The following LONRF2 variants were observed in gnomAD, a reference collection of about 807,000 sequenced individuals.
LONRF2 encodes the protein LON peptidase N-terminal domain and RING finger protein 2.
Under a neutral mutation model 66.6 loss-of-function variants are expected in LONRF2, and 35 were observed. That is an observed-to-expected ratio of 0.53 (90% confidence interval 0.40 to 0.70). The LOEUF (loss-of-function observed/expected upper bound fraction) is 0.70, where lower values mean the gene tolerates loss of function less well. Ranked by LOEUF, LONRF2 falls within the 30% of genes least tolerant of loss-of-function variation. The pLI, the probability that LONRF2 is intolerant of heterozygous loss-of-function variation, is 0.00. For synonymous variants in LONRF2, 417 were observed against 418.1 expected, an observed-to-expected ratio of 1.00 and a Z score of 0.03; for missense variants, 902 against 1,002.1, an observed-to-expected ratio of 0.90 and a Z score of 1.35.
chr2:100,278,871 A>G lies in LONRF2; in HGVS notation c.*5427T>C, dbSNP rs1674652596. Reference sequence around the variant, plus strand: ...CATGTTTGCTGTTCTTCCTTTTAATACTGAGGAGTCCACTAATGCTGATAC... The same window carrying G: ...CATGTTTGCTGTTCTTCCTTTTAATGCTGAGGAGTCCACTAATGCTGATAC... On this transcript the variant is annotated 3_prime_UTR_variant, in exon 12 of 12. Coordinates refer to ENST00000393437, the MANE Select transcript of LONRF2 (RefSeq NM_198461.4). The G allele has an allele frequency of 6.6e-6, 1 of 152,114 alleles. No individual in the cohort carries two copies. Among genetic ancestry groups the G allele is most frequent in the African/African-American group, 2.4e-5 (1 of 41,388 alleles). The allele number at this position is 152,114 out of a possible 1,614,324, so 9.4% of individuals were successfully genotyped here.
intron 1 of LONRF2, among the ~76,000 whole-genome samples, chr2:100,318,825 T>C (rs1675563789): frequency 1.8e-5 from 2 of 111,852 alleles, no homozygotes; most frequent in Admixed American, 1.0e-4. Flanking sequence ...GAGCGAGACC[T>C]TGTCTCAAAA....
Position 100,284,172 on chromosome 2 carries a change from C to T in LONRF2, c.*126G>A. On this transcript the variant is annotated 3_prime_UTR_variant, in exon 12 of 12. Coordinates refer to ENST00000393437, the MANE Select transcript of LONRF2 (RefSeq NM_198461.4). The stretch of plus-strand genomic sequence containing the variant: ...TTTTTGAGGAGGACTCAATGTTTGG[C>T]AAGCGTCCCATTTTGGAACCTCATC... The T allele has an allele frequency of 1.2e-6, 1 of 827,324 alleles. No homozygotes were observed. The highest frequency in any genetic ancestry group is 2.1e-5 in the South Asian group (1 of 47,190). 51.2% of individuals were successfully genotyped at this position (827,324 alleles called of 1,614,324 possible).
In LONRF2 at chr2:100,322,465, ATGCT is replaced by A; in HGVS notation, c.-376_-373del. The A allele has an allele frequency of 5.9e-6, 1 of 168,952 alleles. No homozygotes were observed. Among genetic ancestry groups the A allele is most frequent in the Non-Finnish European group, 1.3e-5 (1 of 79,350 alleles). The allele number at this position is 168,952 out of a possible 1,614,324, so 10.5% of individuals were successfully genotyped here. A position where few individuals can be genotyped will look rare whatever the true frequency, so the allele number is the denominator to read the frequency against. ...GCGCTCCAGGTCCGCGTCTCTTGCG[ATGCT>A]TCCCCCACTCGCCTGAGGGCTCCTG... On this transcript the variant is annotated 5_prime_UTR_variant, in exon 1 of 12. Transcript: ENST00000393437.
chr2:100,292,821 G>A (rs1674988535), intron 9 of LONRF2, among the ~76,000 whole-genome samples: 1 of 152,050 alleles, frequency 6.6e-6, no homozygotes. Context: ...TTTCACATTA[G>A]GAATGCAAAT....
At chr2:100,303,407 T>G (rs1675226509) in intron 2 of LONRF2, among the ~76,000 whole-genome samples, 1 of 152,200 alleles carries the variant, frequency 6.6e-6, no homozygotes, top group African/African-American at 2.4e-5. Context: ...TCTCATGAGC[T>G]AAGACAGACA....
At position 100,283,559 on chromosome 2, in the gene LONRF2, T is replaced by C. The variant is rs910660036; in HGVS notation, c.*739A>G. 2 of 128,510 alleles carry C rather than the reference T, an allele frequency of 1.6e-5. No homozygotes were observed. The highest frequency in any genetic ancestry group is 3.2e-5 in the Non-Finnish European group (2 of 62,500). 8.0% of individuals were successfully genotyped at this position (128,510 alleles called of 1,614,324 possible). A position where few individuals can be genotyped will look rare whatever the true frequency, so the allele number is the denominator to read the frequency against. Reference sequence around the variant, plus strand: ...ATCCCAATGCATATACAATTTTAACTCACTTTATTGTGTGTAAATATATAT... The same window carrying C: ...ATCCCAATGCATATACAATTTTAACCCACTTTATTGTGTGTAAATATATAT... On this transcript the variant is annotated 3_prime_UTR_variant, in exon 12 of 12. Transcript: ENST00000393437.
At position 100,321,722 on chromosome 2, in the gene LONRF2, C is replaced by T. The variant is rs1675633220; in HGVS notation, c.372G>A (p.Ala124=). The change falls in exon 1 of 12, where the codon GCG becomes GCA. Residue 124 remains alanine (A), a synonymous_variant. Coordinates refer to ENST00000393437, the MANE Select transcript of LONRF2 (RefSeq NM_198461.4). ...CCGGGGCCGGCCCTCCCTCGCCGGG[C>T]GCCTCGGGCTCGCCGCCCGGGTTCT... The part of the protein sequence containing the change: ...SAENPGGEPE[A]PGEGGPAPEP... 8.7e-7 allele frequency: 1 copy of T among 1,150,130 alleles called. No individual in the cohort carries two copies. The highest frequency in any genetic ancestry group is 1.1e-6 in the Non-Finnish European group (1 of 937,998). 71.2% of individuals were successfully genotyped at this position (1,150,130 alleles called of 1,614,324 possible).
intron 1 of LONRF2, 78 bp downstream of exon 1, chr2:100,321,337 G>A: frequency 1.6e-6 from 2 of 1,235,686 alleles, no homozygotes; most frequent in Non-Finnish European, 2.1e-6. Context: ...AAAGCCTCGG[G>A]CCCACCGGCC....
Position 100,321,841 on chromosome 2 carries a change from C to A in LONRF2, c.253G>T (p.Ala85Ser). The change falls in exon 1 of 12, where the codon GCG (alanine) becomes TCG (serine). Residue 85 changes from alanine to serine, a missense_variant. Physicochemically the swap from Ala to Ser is moderately conservative, Grantham distance 99. Transcript: ENST00000393437. Reference protein sequence around the residue: ...PEALGAFRGAARLGALRPEEL... With the variant: ...PEALGAFRGASRLGALRPEEL... ...TCCGGCCGCAGCGCCCCGAGCCGCG[C>A]GGCGCCGCGGAACGCGCCCAGGGCT... The A allele has an allele frequency of 1.7e-6, 2 of 1,143,540 alleles. No homozygotes were observed. Among genetic ancestry groups the A allele is most frequent in the Non-Finnish European group, 2.1e-6 (2 of 934,470 alleles). 70.8% of individuals were successfully genotyped at this position (1,143,540 alleles called of 1,614,324 possible). A position where few individuals can be genotyped will look rare whatever the true frequency, so the allele number is the denominator to read the frequency against.
At chr2:100,299,625 A>C in intron 5 of LONRF2, 92 bp downstream of exon 5, 1 of 965,062 alleles carries the variant, frequency 1.0e-6, no homozygotes, top group Non-Finnish European at 1.6e-6. Flanking sequence ...CTAATATTAA[A>C]TGTTGTAAAA....
At chr2:100,312,076 A>G (rs1168808527) in intron 1 of LONRF2, among the ~76,000 whole-genome samples, 1 of 152,084 alleles carries the variant, frequency 6.6e-6, no homozygotes, top group Non-Finnish European at 1.5e-5. Context: ...ATCTTCCCAC[A>G]TTTTTCTATG....
Position 100,294,401 on chromosome 2 carries a change from G to C in LONRF2, c.1599-14C>G. 6.5e-7 allele frequency: 1 copy of C among 1,549,290 alleles called. No homozygotes were observed. Among genetic ancestry groups the C allele is most frequent in the Non-Finnish European group, 8.7e-7 (1 of 1,153,530 alleles). On this transcript the variant is annotated splice_polypyrimidine_tract_variant and intron_variant, in intron 8 of 11. Transcript: ENST00000393437. ...TCTCTGGTCAGACTGCAGAGCAAGG[G>C]GACATGTTATCTCAGATGTATGAGC...
chr2:100,321,951 G>A lies in LONRF2; in HGVS notation c.143C>T (p.Ser48Phe). 6.9e-7 allele frequency: 1 copy of A among 1,459,398 alleles called. No homozygotes were observed. The highest frequency in any genetic ancestry group is 9.0e-7 in the Non-Finnish European group (1 of 1,106,324). The allele number at this position is 1,459,398 out of a possible 1,614,324, so 90.4% of individuals were successfully genotyped here. The part of the protein sequence containing the change: ...DYEMAAELFR[S>F]MLAGLAQPDR... The stretch of plus-strand genomic sequence containing the variant: ...CGGCTGCGCCAGCCCGGCTAGCATG[G>A]AGCGAAAGAGCTCGGCTGCCATCTC... Residue 48 changes from serine (S) to phenylalanine (F), a missense_variant, in exon 1 of 12, where the codon TCC becomes TTC. Around this residue, in one of 2 missense-constraint regions of LONRF2, gnomAD observed 585 missense variants for 569.9 expected, o/e 1.03. Transcript: ENST00000393437.
In LONRF2 at chr2:100,272,541, A is replaced by G. The variant is rs1316635043; in HGVS notation, c.*11757T>C. On this transcript the variant is annotated 3_prime_UTR_variant, in exon 12 of 12. Transcript: ENST00000393437. Reference sequence around the variant, plus strand: ...AAATAAATAAACAAACAAACTAACCAGAGTATGTAGGTTAAAAAAAAGAAA... The same window carrying G: ...AAATAAATAAACAAACAAACTAACCGGAGTATGTAGGTTAAAAAAAAGAAA... Among the ~76,000 whole-genome samples, 1 of 151,984 alleles carries G rather than the reference A, an allele frequency of 6.6e-6. No individual in the cohort carries two copies. Among genetic ancestry groups the G allele is most frequent in the Non-Finnish European group, 1.5e-5 (1 of 68,012 alleles).
rs543045071 is a variant in LONRF2 at position 100,278,246 on chromosome 2, A to T, written c.*6052T>A. On this transcript the variant is annotated 3_prime_UTR_variant, in exon 12 of 12. Coordinates refer to ENST00000393437, the MANE Select transcript of LONRF2 (RefSeq NM_198461.4). ...AACATTACCATAGTCCCCTTTAAAC[A>T]TAAAAAGAGGGCTATGTCTTGCATT... 9.8e-5 allele frequency: 15 copies of T among 152,296 alleles called. No individual in the cohort carries two copies. The highest frequency in any genetic ancestry group is 9.8e-4 in the Admixed American group (15 of 15,302). 9.4% of individuals were successfully genotyped at this position (152,296 alleles called of 1,614,324 possible).
chr2:100,272,925 G>A lies in LONRF2; in HGVS notation c.*11373C>T, dbSNP rs1674528635. ...TGGAATCGTTCCACATCTGCACTGT[G>A]TTGAATACTGTTCCTCTAAAATTCA... On this transcript the variant is annotated 3_prime_UTR_variant, in exon 12 of 12. Coordinates refer to ENST00000393437, the MANE Select transcript of LONRF2 (RefSeq NM_198461.4). Among the ~76,000 whole-genome samples, 1 of 152,240 alleles carries A rather than the reference G, an allele frequency of 6.6e-6. No individual in the cohort carries two copies. Among genetic ancestry groups the A allele is most frequent in the African/African-American group, 2.4e-5 (1 of 41,548 alleles).
intron 9 of LONRF2, among the ~76,000 whole-genome samples, chr2:100,293,608 G>A (rs532001250): frequency 1.3e-5 from 2 of 152,300 alleles, no homozygotes; most frequent in Admixed American, 1.3e-4. Context: ...ATGACCTGCT[G>A]GCTTGCAACA....
At chr2:100,306,215 G>A (rs1425170726) in intron 2 of LONRF2, among the ~76,000 whole-genome samples, 1 of 149,284 alleles carries the variant, frequency 6.7e-6, no homozygotes, top group African/African-American at 2.5e-5. Flanking sequence ...CACCTGGTCA[G>A]GAAAAGTACA....
intron 2 of LONRF2, among the ~76,000 whole-genome samples, chr2:100,307,474 C>CTA (rs1274783949): frequency 1.3e-5 from 2 of 152,202 alleles, no homozygotes; most frequent in Admixed American, 6.5e-5. Flanking sequence ...GGAGAGGAAT[C>CTA]TAGCTTCAGA....
Sources: allele counts gnomAD v4.1 joint callset (sites outside exome capture counted in the v4.1 genomes callset), GRCh38; gene constraint gnomAD v4.1.1; regional missense constraint gnomAD v4.1.1; transcripts MANE v1.5; gene names NCBI Gene and HGNC (gene_info 2026-07-23, HGNC 2026-07-21).